Variants in OR8D4 observed in about 807,000 individuals in gnomAD.
The protein encoded by OR8D4 is olfactory receptor 8D4.
For synonymous variants in OR8D4, 141 were observed against 134.8 expected, an observed-to-expected ratio of 1.05 and a Z score of -0.32; for missense variants, 359 against 372.6, an observed-to-expected ratio of 0.96 and a Z score of 0.30.
intron 1 of OR8D4, among the ~76,000 whole-genome samples, chr11:123,904,505 C>G (rs1863184680): frequency 6.6e-6 from 1 of 152,164 alleles, no homozygotes; most frequent in Admixed American, 6.6e-5. Flanking sequence ...GACTAGACTA[C>G]ACACATGAAT....
Position 123,907,394 on chromosome 11 carries a change from A to T in OR8D4, c.*18A>T. Reference sequence around the variant, plus strand: ...CAGGATAAATATGCTCTTTATTAAGATCTATTTCTGTATTCATAATCATGA... The same window carrying T: ...CAGGATAAATATGCTCTTTATTAAGTTCTATTTCTGTATTCATAATCATGA... On this transcript the variant is annotated 3_prime_UTR_variant, in exon 2 of 2. Transcript: ENST00000641687. 1 of 990,168 alleles carries T rather than the reference A, an allele frequency of 1.0e-6. No individual in the cohort carries two copies. Among genetic ancestry groups the T allele is most frequent in the Admixed American group, 2.3e-5 (1 of 42,726 alleles). 61.3% of individuals were successfully genotyped at this position (990,168 alleles called of 1,614,324 possible).
chr11:123,906,247 C>T lies in OR8D4; in HGVS notation c.-15-170C>T, dbSNP rs1428281456. On this transcript the variant is annotated intron_variant, in intron 1 of 1. Coordinates refer to ENST00000641687, the MANE Select transcript of OR8D4 (RefSeq NM_001005197.2). ...GGTATGGAAAAGTGTGTTTCTGGTT[C>T]CTAAAATCTATAGGTAGGTAGATGC... is the stretch of plus-strand genomic sequence containing the variant. The T allele has an allele frequency of 1.3e-5, 7 of 544,846 alleles. No homozygotes were observed. In the South Asian group the frequency reaches 2.0e-4, roughly 15 times the overall value. 33.8% of individuals were successfully genotyped at this position (544,846 alleles called of 1,614,324 possible).
intron 1 of OR8D4, among the ~76,000 whole-genome samples, chr11:123,904,979 G>T (rs1014610861): frequency 1.3e-5 from 2 of 152,198 alleles, no homozygotes; most frequent in East Asian, 3.9e-4. Context: ...CTTTCTCAGA[G>T]ATAAGGCCAT....
In OR8D4 at chr11:123,907,170, GCTGTT is replaced by G; in HGVS notation, c.742_746del (p.Val248TyrfsTer16). The G allele has an allele frequency of 6.2e-7, 1 of 1,613,778 alleles. No individual in the cohort carries two copies. Among genetic ancestry groups the G allele is most frequent in the Non-Finnish European group, 8.5e-7 (1 of 1,179,788 alleles). The stretch of plus-strand genomic sequence containing the variant: ...TAGCACCTGTAGCTCCCACCTGACA[GCTGTT>G]CTTATGTTTTATGGGTCTCTGATGT... On this transcript the variant is annotated frameshift_variant, in exon 2 of 2. Coordinates refer to ENST00000641687, the MANE Select transcript of OR8D4 (RefSeq NM_001005197.2). LOFTEE classifies it low-confidence loss of function (END_TRUNC).
chr11:123,906,989 A>G lies in OR8D4; in HGVS notation c.558A>G (p.Lys186=), dbSNP rs1555145518. The change falls in exon 2 of 2, where the codon AAA becomes AAG. Residue 186 remains lysine, a synonymous_variant. Coordinates refer to ENST00000641687, the MANE Select transcript of OR8D4 (RefSeq NM_001005197.2). Reference sequence around the variant, plus strand: ...TCTGTGACATTGTCCCTCTTATTAAACTCTCCTGCTCCAGCACTTATATTG... The same window carrying G: ...TCTGTGACATTGTCCCTCTTATTAAGCTCTCCTGCTCCAGCACTTATATTG... ...HYFCDIVPLI[K]LSCSSTYIDE... is the part of the protein sequence containing the mutation. 3 of 1,612,478 alleles carry G rather than the reference A, an allele frequency of 1.9e-6. No individual in the cohort carries two copies. The South Asian group carries it at 3.3e-5, about 18-fold the overall frequency.
chr11:123,906,154 A>G (rs1273659659), intron 1 of OR8D4: 6 of 333,926 alleles, frequency 1.8e-5, no homozygotes, highest in African/African-American at 1.1e-4. Context: ...GGTTTTAAGC[A>G]TTAGTTTTGT....
intron 1 of OR8D4, among the ~76,000 whole-genome samples, chr11:123,904,911 C>A (rs1863188190): frequency 6.6e-6 from 1 of 152,094 alleles, no homozygotes; most frequent in South Asian, 2.1e-4. Context: ...GCCATTTGGG[C>A]AAATATGAGA....
intron 1 of OR8D4, among the ~76,000 whole-genome samples, chr11:123,904,700 G>T (rs183398077): frequency 9.7e-4 from 147 of 152,272 alleles, no homozygotes; most frequent in Non-Finnish European, 1.7e-3. Flanking sequence ...GCTGTTCAGT[G>T]CTCATGCAGC....
intron 1 of OR8D4, among the ~76,000 whole-genome samples, chr11:123,904,930 T>C (rs1458931023): frequency 6.6e-6 from 1 of 151,948 alleles, no homozygotes; most frequent in East Asian, 1.9e-4. Context: ...GAGTCTGGAG[T>C]GAGCTCTGGG....
chr11:123,907,126 A>C lies in OR8D4; in HGVS notation c.695A>C (p.Lys232Thr). 8.1e-6 allele frequency: 13 copies of C among 1,613,992 alleles called. No individual in the cohort carries two copies. The highest frequency in any genetic ancestry group is 1.1e-5 in the Non-Finnish European group (13 of 1,179,930). ...LTSILRIHSKKGRCKAFSTCS... is the reference protein window; with the variant it reads ...LTSILRIHSKTGRCKAFSTCS... Reference sequence around the variant, plus strand: ...AGCATCCTGCGCATCCACTCTAAAAAGGGCAGGTGCAAAGCGTTTAGCACC... The same window carrying C: ...AGCATCCTGCGCATCCACTCTAAAACGGGCAGGTGCAAAGCGTTTAGCACC... Residue 232 changes from lysine to threonine, a missense_variant, in exon 2 of 2, where the codon AAG (lysine) becomes ACG (threonine). Transcript: ENST00000641687.
intron 1 of OR8D4, among the ~76,000 whole-genome samples, chr11:123,904,618 C>T (rs1863185742): frequency 6.6e-6 from 1 of 152,144 alleles, no homozygotes; most frequent in Admixed American, 6.5e-5. Flanking sequence ...CCATCTCCAT[C>T]ATTTAGGATG....
intron 1 of OR8D4, among the ~76,000 whole-genome samples, chr11:123,904,691 C>A (rs1283894984): frequency 2.0e-5 from 3 of 152,144 alleles, no homozygotes; most frequent in Non-Finnish European, 4.4e-5. Context: ...CAGAGAATAG[C>A]TGTTCAGTGC....
At chr11:123,903,131 T>G (rs2123709) in intron 1 of OR8D4, among the ~76,000 whole-genome samples, 5,401 of 151,716 alleles carry the variant, frequency 0.036, 288 homozygotes, top group African/African-American at 0.12. Context: ...AAATATTTAC[T>G]TAGCATTTAC....
chr11:123,906,720 T>A lies in OR8D4; in HGVS notation c.289T>A (p.Cys97Ser), dbSNP rs777136469. The A allele has an allele frequency of 1.2e-6, 2 of 1,614,064 alleles. No individual in the cohort carries two copies. The highest frequency in any genetic ancestry group is 1.7e-5 in the Admixed American group (1 of 60,016). ...CRDRSISYSG[C>S]MIQLFFFCVC... The stretch of plus-strand genomic sequence containing the variant: ...AGATAGATCCATCTCCTATTCTGGA[T>A]GCATGATTCAGCTGTTTTTTTTCTG... The change falls in exon 2 of 2, where the codon TGC (cysteine) becomes AGC (serine). Residue 97 changes from cysteine to serine, a missense_variant. Transcript: ENST00000641687.
intron 1 of OR8D4, among the ~76,000 whole-genome samples, chr11:123,903,642 A>G (rs1863178349): frequency 6.6e-6 from 1 of 152,184 alleles, no homozygotes; most frequent in Non-Finnish European, 1.5e-5. Context: ...TAGGCTAGTC[A>G]AGTTTACTGT....
At chr11:123,902,788 T>G (rs1308137039) in intron 1 of OR8D4, among the ~76,000 whole-genome samples, 1 of 151,986 alleles carries the variant, frequency 6.6e-6, no homozygotes, top group Non-Finnish European at 1.5e-5. Context: ...AAAGATCACA[T>G]TCTAGACTTC....
chr11:123,904,784 C>T (rs1377602), intron 1 of OR8D4, among the ~76,000 whole-genome samples: 111,937 of 152,146 alleles, frequency 0.74, 41,532 homozygotes, highest in African/African-American at 0.81. Flanking sequence ...AAGCTGCCTA[C>T]GGAAGTTTGG....
intron 1 of OR8D4, among the ~76,000 whole-genome samples, chr11:123,904,682 A>G (rs1438059526): frequency 6.6e-6 from 1 of 152,180 alleles, no homozygotes; most frequent in Non-Finnish European, 1.5e-5. Flanking sequence ...AAGCCTGCTC[A>G]GAGAATAGCT....
chr11:123,904,625 G>A (rs1477663745), intron 1 of OR8D4, among the ~76,000 whole-genome samples: 5 of 152,124 alleles, frequency 3.3e-5, no homozygotes, highest in Admixed American at 6.6e-5. Context: ...CATCATTTAG[G>A]ATGAGAGAGG....
Sources: allele counts gnomAD v4.1 joint callset (sites outside exome capture counted in the v4.1 genomes callset), GRCh38; gene constraint gnomAD v4.1.1; transcripts MANE v1.5; gene names NCBI Gene and HGNC (gene_info 2026-07-23, HGNC 2026-07-21).